Variants in FSTL5 observed in about 807,000 individuals in gnomAD.
The protein encoded by FSTL5 is follistatin like 5, also known as follistatin-related protein 5.
FSTL5 carries 62 observed loss-of-function variants against 89.1 expected under a neutral mutation model. The observed-to-expected ratio is 0.70, with a 90% CI of 0.57 to 0.86. FSTL5 has a LOEUF of 0.86. Ranked by LOEUF, FSTL5 falls within the 40% of genes least tolerant of loss-of-function variation. FSTL5 has a pLI of 0.00. For synonymous variants in FSTL5, 383 were observed against 346.2 expected (o/e 1.11, Z -1.18); for missense variants, 1,057 against 1,001.6 (o/e 1.06, Z -0.75).
At chr4:161,413,858 C>T (rs895626517) in intron 15 of FSTL5, among the ~76,000 whole-genome samples, 3 of 152,124 alleles carry the variant, frequency 2.0e-5, no homozygotes, top group African/African-American at 7.2e-5. Flanking sequence ...CACCTGTAAG[C>T]GGTAGCTAAG....
chr4:161,889,407 C>T (rs900309808), intron 4 of FSTL5, among the ~76,000 whole-genome samples: 1 of 152,072 alleles, frequency 6.6e-6, no homozygotes, highest in Non-Finnish European at 1.5e-5. Flanking sequence ...CTTCTGGAGG[C>T]CGTGGTTGGG....
chr4:161,751,458 A>G (rs1309611446), intron 6 of FSTL5, among the ~76,000 whole-genome samples: 1 of 152,158 alleles, frequency 6.6e-6, no homozygotes, highest in Non-Finnish European at 1.5e-5. Flanking sequence ...ATTTCCCAAA[A>G]TAGCCAGGGG....
chr4:161,637,546 T>C (rs1175940935), intron 7 of FSTL5, among the ~76,000 whole-genome samples: 1 of 151,224 alleles, frequency 6.6e-6, no homozygotes, highest in Non-Finnish European at 1.5e-5. Flanking sequence ...CCCATGCCTA[T>C]CTCCTGAATG....
intron 7 of FSTL5, among the ~76,000 whole-genome samples, chr4:161,648,128 G>A (rs1736213873): frequency 6.6e-6 from 1 of 152,114 alleles, no homozygotes; most frequent in Non-Finnish European, 1.5e-5. Flanking sequence ...TGTGTGATCC[G>A]ATTCTTCCGG....
At chr4:161,467,716 T>C (rs1257590195) in intron 13 of FSTL5, among the ~76,000 whole-genome samples, 31 of 152,084 alleles carry the variant, frequency 2.0e-4, no homozygotes, top group Admixed American at 2.0e-3. Context: ...TAAGGTAATG[T>C]TAAGACAAAT....
chr4:161,648,921 T>TAAG (rs1223087247), intron 7 of FSTL5, among the ~76,000 whole-genome samples: 1 of 152,148 alleles, frequency 6.6e-6, no homozygotes, highest in Non-Finnish European at 1.5e-5. Flanking sequence ...GGACAAAAAC[T>TAAG]AAGAAGAACA....
At chr4:161,769,076 A>C (rs1741117761) in intron 5 of FSTL5, among the ~76,000 whole-genome samples, 1 of 151,970 alleles carries the variant, frequency 6.6e-6, no homozygotes, top group African/African-American at 2.4e-5. Flanking sequence ...TATGCCAATA[A>C]ATTGAAAAAC....
At chr4:161,764,716 G>A (rs1740930277) in intron 5 of FSTL5, among the ~76,000 whole-genome samples, 1 of 152,006 alleles carries the variant, frequency 6.6e-6, no homozygotes, top group Non-Finnish European at 1.5e-5. Context: ...TTAAACCACT[G>A]GTGGAAAGAA....
intron 4 of FSTL5, among the ~76,000 whole-genome samples, chr4:161,869,530 G>A (rs966190519): frequency 3.3e-5 from 5 of 152,140 alleles, no homozygotes; most frequent in East Asian, 3.9e-4. Flanking sequence ...TAATTTCAGC[G>A]GTTTTAAAGC....
In FSTL5 at chr4:161,396,351, G is replaced by GT. The variant is rs1189200939; in HGVS notation, c.1842-9903dup. Among the ~76,000 whole-genome samples, 4 of 151,916 alleles carry GT rather than the reference G, an allele frequency of 2.6e-5. No individual in the cohort carries two copies. In the East Asian group the frequency reaches 7.8e-4, roughly 29 times the overall value. On this transcript the variant is annotated intron_variant, in intron 15 of 15. Transcript: ENST00000306100. ...AAAATGTAGGATTGAAAGAAAATAA[G>GT]TAAGACACAGCTGGGTACAGTGGCT... is the stretch of plus-strand genomic sequence containing the variant.
chr4:161,923,229 C>T (rs1560918949), intron 3 of FSTL5, among the ~76,000 whole-genome samples: 1 of 151,678 alleles, frequency 6.6e-6, no homozygotes, highest in Non-Finnish European at 1.5e-5. Context: ...CTCTTTTGGT[C>T]CTGAGGGCTG....
chr4:161,931,447 A>C (rs1734282117), intron 3 of FSTL5, among the ~76,000 whole-genome samples: 1 of 151,950 alleles, frequency 6.6e-6, no homozygotes, highest in Admixed American at 6.6e-5. Context: ...AAAGGAGTTA[A>C]GAGTGATTAT....
intron 4 of FSTL5, among the ~76,000 whole-genome samples, chr4:161,859,790 T>C (rs1280216634): frequency 1.3e-5 from 2 of 152,124 alleles, no homozygotes; most frequent in Non-Finnish European, 2.9e-5. Context: ...TGCTATTATG[T>C]TCATGTGCAG....
intron 8 of FSTL5, among the ~76,000 whole-genome samples, chr4:161,573,834 T>A (rs1281423535): frequency 7.1e-6 from 1 of 141,436 alleles, no homozygotes; most frequent in Non-Finnish European, 1.6e-5. Context: ...AAGAAAAGAA[T>A]AAAAGACCAC....
At position 162,066,668 on chromosome 4, in the gene FSTL5, T is replaced by G. The variant is rs549406770; in HGVS notation, c.127-33010A>C. Among the ~76,000 whole-genome samples the G allele has an allele frequency of 2.0e-5, 3 of 148,988 alleles. No homozygotes were observed. In the East Asian group the frequency reaches 6.1e-4, roughly 30 times the overall value. ...CTATTGTTCAACTTCCACTTATGAG[T>G]GAGAACATGTGGTATTTGGTTTTCT... On this transcript the variant is annotated intron_variant, in intron 2 of 15. Coordinates refer to ENST00000306100, the MANE Select transcript of FSTL5 (RefSeq NM_020116.5).
At chr4:162,142,398 A>T (rs1172214528) in intron 1 of FSTL5, among the ~76,000 whole-genome samples, 1 of 152,198 alleles carries the variant, frequency 6.6e-6, no homozygotes, top group East Asian at 1.9e-4. Flanking sequence ...ATGGAAATAG[A>T]ATTAAAGAAA....
intron 3 of FSTL5, among the ~76,000 whole-genome samples, chr4:161,980,814 T>TC (rs1170285823): frequency 1.5e-5 from 2 of 134,708 alleles, no homozygotes; most frequent in Non-Finnish European, 3.1e-5. Flanking sequence ...TCTCACTCTG[T>TC]CACCCAGGCT....
At chr4:161,800,183 TC>T (rs1171699365) in intron 4 of FSTL5, among the ~76,000 whole-genome samples, 6 of 151,700 alleles carry the variant, frequency 4.0e-5, no homozygotes, top group African/African-American at 1.4e-4. Flanking sequence ...ACAGGTGATC[TC>T]TTATTTTTCC....
At chr4:162,038,629 A>C (rs1737830850) in intron 2 of FSTL5, among the ~76,000 whole-genome samples, 2 of 151,840 alleles carry the variant, frequency 1.3e-5, no homozygotes, top group Admixed American at 1.3e-4. Flanking sequence ...TGACCACACT[A>C]GGAGATATTA....
Sources: gnomAD v4.1 joint callset for allele counts (sites outside exome capture counted in the v4.1 genomes callset) on GRCh38, gnomAD v4.1.1 for gene constraint, MANE v1.5 for transcripts, NCBI Gene and HGNC (gene_info 2026-07-23, HGNC 2026-07-21) for gene names.